The following TCF4 variants were observed in gnomAD, a reference collection of about 807,000 sequenced individuals.
TCF4 encodes the protein SL3-3 enhancer factor 2.
TCF4 carries 3 observed loss-of-function variants against 82.1 expected under a neutral mutation model. The observed-to-expected ratio is 0.04, with a 90% confidence interval of 0.02 to 0.09. The LOEUF is 0.09. TCF4 is among the 10% of genes least tolerant of loss of function. TCF4 has a pLI of 1.00. For synonymous variants in TCF4, 276 were observed against 309.6 expected, an observed-to-expected ratio of 0.89 and a Z score of 1.14; for missense variants, 518 against 852.7, an observed-to-expected ratio of 0.61 and a Z score of 4.89.
chr18:55,356,003 T>C (rs1308610849), intron 6 of TCF4, among the ~76,000 whole-genome samples: 1 of 152,134 alleles, frequency 6.6e-6, no homozygotes, highest in Non-Finnish European at 1.5e-5. Flanking sequence ...GGGTGAGTTA[T>C]GCAACTGCTC....
At chr18:55,386,517 T>A (rs75633329) in intron 6 of TCF4, among the ~76,000 whole-genome samples, 3,504 of 152,240 alleles carry the variant, frequency 0.023, 155 homozygotes, top group African/African-American at 0.079. Context: ...TTGTAGTTTT[T>A]CTCAAATCTC....
chr18:55,491,310 A>T (rs1327950547), intron 3 of TCF4, among the ~76,000 whole-genome samples: 1 of 152,150 alleles, frequency 6.6e-6, no homozygotes, highest in Non-Finnish European at 1.5e-5. Flanking sequence ...TGAATGGAAG[A>T]CATACTCCAG....
intron 5 of TCF4, among the ~76,000 whole-genome samples, chr18:55,432,692 T>A (rs547460665): frequency 9.8e-5 from 15 of 152,348 alleles, no homozygotes; most frequent in African/African-American, 3.1e-4. Context: ...CTACTTTAAT[T>A]CTGATTCTCT....
chr18:55,478,494 G>A (rs946950937), intron 3 of TCF4, among the ~76,000 whole-genome samples: 4 of 152,046 alleles, frequency 2.6e-5, no homozygotes, highest in Non-Finnish European at 4.4e-5. Flanking sequence ...ATCTGTCCCC[G>A]ATAAATTGTT....
At chr18:55,444,124 C>T (rs1313301380) in intron 5 of TCF4, among the ~76,000 whole-genome samples, 3 of 152,148 alleles carry the variant, frequency 2.0e-5, no homozygotes, top group African/African-American at 7.2e-5. Flanking sequence ...CATTTGCAGA[C>T]CAAAACCAAC....
At chr18:55,570,027 T>C (rs1318595949) in intron 3 of TCF4, among the ~76,000 whole-genome samples, 1 of 152,146 alleles carries the variant, frequency 6.6e-6, no homozygotes, top group Non-Finnish European at 1.5e-5. Flanking sequence ...TTATAACATT[T>C]ATTATAATGT....
intron 11 of TCF4, chr18:55,269,178 T>C (rs2059821303): frequency 6.5e-6 from 1 of 153,982 alleles, no homozygotes; most frequent in Admixed American, 6.4e-5. Context: ...ACAGCATTCT[T>C]CTTGGACCTT....
chr18:55,516,498 A>T (rs1004770895), intron 3 of TCF4, among the ~76,000 whole-genome samples: 1 of 152,086 alleles, frequency 6.6e-6, no homozygotes, highest in African/African-American at 2.4e-5. Context: ...ATGCAACTGT[A>T]GAAGGTTAGC....
chr18:55,263,125 T>TAAA (rs2058397205), intron 11 of TCF4, among the ~76,000 whole-genome samples: 3 of 152,150 alleles, frequency 2.0e-5, no homozygotes, highest in Admixed American at 2.0e-4. Context: ...GATATATACT[T>TAAA]TATTTGGTTT....
At chr18:55,401,372 C>T (rs1282389003) in intron 6 of TCF4, 2 of 1,108,838 alleles carry the variant, frequency 1.8e-6, no homozygotes, top group African/African-American at 3.3e-5. Context: ...AACCATGAAG[C>T]ACAAATTAAG....
chr18:55,544,704 T>G (rs1399922878), intron 3 of TCF4, among the ~76,000 whole-genome samples: 1 of 152,164 alleles, frequency 6.6e-6, no homozygotes, highest in Non-Finnish European at 1.5e-5. Flanking sequence ...AGCAAATTCC[T>G]AAAAACAGTA....
intron 3 of TCF4, among the ~76,000 whole-genome samples, chr18:55,503,849 C>T (rs942035233): frequency 1.1e-4 from 16 of 152,032 alleles, no homozygotes; most frequent in African/African-American, 3.9e-4. Flanking sequence ...CCGAGGTGGA[C>T]GGATCACTTG....
At chr18:55,494,045 C>T (rs1389429511) in intron 3 of TCF4, among the ~76,000 whole-genome samples, 3 of 151,914 alleles carry the variant, frequency 2.0e-5, no homozygotes, top group Non-Finnish European at 4.4e-5. Context: ...TATTACTTTG[C>T]ATATACTCCC....
At chr18:55,573,371 G>C (rs1302102874) in intron 3 of TCF4, among the ~76,000 whole-genome samples, 6 of 150,322 alleles carry the variant, frequency 4.0e-5, no homozygotes. Flanking sequence ...TTCAAATAAA[G>C]TCTACAAAGT....
chr18:55,455,529 G>GA (rs201720174), intron 5 of TCF4, among the ~76,000 whole-genome samples: 6,306 of 116,834 alleles, frequency 0.054, 320 homozygotes, highest in African/African-American at 0.15. Context: ...GGTGTTATTG[G>GA]AAAAAAAAAA....
intron 6 of TCF4, among the ~76,000 whole-genome samples, chr18:55,376,854 CT>C (rs1569260984): frequency 6.6e-6 from 1 of 152,138 alleles, no homozygotes; most frequent in Admixed American, 6.5e-5. Context: ...TTAATCAAGC[CT>C]TTTTTACAGA....
chr18:55,322,252 T>C (rs1270959313), intron 8 of TCF4: 5 of 1,054,182 alleles, frequency 4.7e-6, no homozygotes, highest in Non-Finnish European at 5.7e-6. Context: ...TCTCTCTCTC[T>C]CCCTCTCTTT....
chr18:55,347,612 A>G (rs2144671171), intron 8 of TCF4, among the ~76,000 whole-genome samples: 1 of 152,314 alleles, frequency 6.6e-6, no homozygotes, highest in Non-Finnish European at 1.5e-5. Flanking sequence ...AAACAGGGCT[A>G]GGCAATCCCC....
chr18:55,392,005 C>G (rs1255931399), intron 6 of TCF4, among the ~76,000 whole-genome samples: 2 of 120,630 alleles, frequency 1.7e-5, no homozygotes, highest in South Asian at 3.1e-4. Flanking sequence ...GCTCTGTCAC[C>G]CAGGCTGCAG....
Sources: allele counts gnomAD v4.1 joint callset (sites outside exome capture counted in the v4.1 genomes callset), GRCh38; gene constraint gnomAD v4.1.1; transcripts MANE v1.5; gene names NCBI Gene and HGNC (gene_info 2026-07-23, HGNC 2026-07-21).